Variants in CHL1 observed in about 807,000 individuals in gnomAD.
CHL1 encodes neural cell adhesion molecule L1-like protein.
A neutral mutation model predicts 141.9 loss-of-function variants in CHL1; 96 were observed. That is an observed-to-expected ratio of 0.68 (90% CI 0.57 to 0.80). The LOEUF is 0.80. Ranked by LOEUF, CHL1 falls within the 30% of genes least tolerant of loss-of-function variation. The probability of loss-of-function intolerance (pLI) is 0.00; values close to 1 mark genes in which losing one functional copy is unlikely to be tolerated. For missense variants in CHL1, 1,820 were observed against 1,457.2 expected, an observed-to-expected ratio of 1.25 and a Z score of -4.05; for synonymous variants, 613 against 502.2, an observed-to-expected ratio of 1.22 and a Z score of -2.95.
In CHL1 at chr3:280,212, A is replaced by ATT. The variant is rs201114993; in HGVS notation, c.-95+35532_-95+35533dup. 3.3e-3 allele frequency among the ~76,000 whole-genome samples: 474 copies of ATT among 145,810 alleles called. 1 individual carries two copies. The highest frequency in any genetic ancestry group is 0.011 in the African/African-American group (451 of 40,084). On this transcript the variant is annotated intron_variant, in intron 2 of 27. Transcript: ENST00000256509. ...AAAAAGTTCTTAGTAGAGTCTAGGC[A>ATT]TTTTTTTTTTTTTAGTGTACCTAAC...
chr3:253,906 A>T (rs1693922545), intron 2 of CHL1, among the ~76,000 whole-genome samples: 1 of 152,230 alleles, frequency 6.6e-6, no homozygotes, highest in East Asian at 1.9e-4. Flanking sequence ...CACAAATTTA[A>T]CATTTATTGA....
chr3:343,845 C>A (rs1414483228), intron 8 of CHL1, among the ~76,000 whole-genome samples: 1 of 152,072 alleles, frequency 6.6e-6, no homozygotes, highest in South Asian at 2.1e-4. Context: ...TCACAGCACT[C>A]AATGAAAAAT....
chr3:397,823 A>G (rs909090654), intron 24 of CHL1, among the ~76,000 whole-genome samples: 3 of 152,102 alleles, frequency 2.0e-5, no homozygotes, highest in African/African-American at 7.2e-5. Context: ...AAAGCAAAAA[A>G]AAGCAATATA....
At chr3:312,930 C>T (rs1699871068) in intron 2 of CHL1, among the ~76,000 whole-genome samples, 1 of 152,166 alleles carries the variant, frequency 6.6e-6, no homozygotes, top group Admixed American at 6.5e-5. Context: ...AGTTGTTGAT[C>T]TATTTCAAGC....
chr3:389,835 A>C (rs1479666586), intron 20 of CHL1, among the ~76,000 whole-genome samples: 1 of 152,206 alleles, frequency 6.6e-6, no homozygotes, highest in African/African-American at 2.4e-5. Context: ...GGATCCCCTA[A>C]GAGCCACTTG....
rs750178447 is a variant in CHL1 at position 391,063 on chromosome 3, G to A, written c.2695G>A (p.Asp899Asn). 36 of 1,613,868 alleles carry A rather than the reference G, an allele frequency of 2.2e-5. No individual in the cohort carries two copies. Among genetic ancestry groups the A allele is most frequent in the Non-Finnish European group, 3.0e-5 (35 of 1,179,748 alleles). ...QRNSGMVPSL[D>N]AFSEFHLTVL... ...AAACTCTGGAATGGTTCCTTCCTTA[G>A]ATGCCTTTAGTGAATTTCATTTAAC... Residue 899 changes from aspartate (D) to asparagine (N), a missense_variant, in exon 22 of 28, where the codon GAT becomes AAT. By Grantham distance (23) the Asp-to-Asn change is conservative. Coordinates refer to ENST00000256509, the MANE Select transcript of CHL1 (RefSeq NM_006614.4).
intron 14 of CHL1, 50 bp downstream of exon 14, chr3:363,433 C>T: frequency 6.6e-7 from 1 of 1,511,938 alleles, no homozygotes. Context: ...TGGGTTCAGT[C>T]TGTCTTCATT....
chr3:204,412 G>T (rs1699229048), intron 1 of CHL1, among the ~76,000 whole-genome samples: 1 of 152,210 alleles, frequency 6.6e-6, no homozygotes, highest in Non-Finnish European at 1.5e-5. Context: ...TGTTATAGTT[G>T]TATCAGAACA....
intron 3 of CHL1, among the ~76,000 whole-genome samples, chr3:322,046 T>C (rs879937596): frequency 2.0e-5 from 3 of 152,114 alleles, no homozygotes; most frequent in Non-Finnish European, 2.9e-5. Flanking sequence ...AGCTGATATC[T>C]AAGGGACTGT....
At chr3:377,407 G>A (rs1233605898) in intron 15 of CHL1, among the ~76,000 whole-genome samples, 1 of 152,134 alleles carries the variant, frequency 6.6e-6, no homozygotes, top group African/African-American at 2.4e-5. Flanking sequence ...AATGGAGATG[G>A]AATTCAGGAA....
At chr3:228,594 A>G (rs924227768) in intron 1 of CHL1, among the ~76,000 whole-genome samples, 2 of 152,192 alleles carry the variant, frequency 1.3e-5, no homozygotes, top group African/African-American at 2.4e-5. Flanking sequence ...TAGAACTAAC[A>G]TAAATTGAAT....
At chr3:258,993 G>C (rs947929488) in intron 2 of CHL1, among the ~76,000 whole-genome samples, 2 of 149,766 alleles carry the variant, frequency 1.3e-5, no homozygotes, top group African/African-American at 5.0e-5. Flanking sequence ...GAGTGCAGTG[G>C]CTTGATCACG....
intron 2 of CHL1, among the ~76,000 whole-genome samples, chr3:276,460 G>A (rs550294622): frequency 2.9e-4 from 44 of 152,270 alleles, no homozygotes; most frequent in African/African-American, 1.0e-3. Flanking sequence ...GGAATCCAGT[G>A]ACTCAACTGC....
intron 2 of CHL1, among the ~76,000 whole-genome samples, chr3:278,271 C>T (rs189398152): frequency 6.6e-6 from 1 of 152,210 alleles, no homozygotes; most frequent in Non-Finnish European, 1.5e-5. Context: ...CAGACATTCT[C>T]TTTGGGGTCG....
chr3:353,351 C>G (rs1041986473), intron 10 of CHL1, among the ~76,000 whole-genome samples: 1 of 151,586 alleles, frequency 6.6e-6, no homozygotes, highest in African/African-American at 2.4e-5. Context: ...ATTAAAATAA[C>G]CAGAAAAAAA....
chr3:339,668 C>A (rs932338091), intron 5 of CHL1, among the ~76,000 whole-genome samples: 1 of 152,170 alleles, frequency 6.6e-6, no homozygotes, highest in Non-Finnish European at 1.5e-5. Context: ...CCAGCTGGTG[C>A]ATCGATAAGA....
chr3:279,943 T>A (rs1348375100), intron 2 of CHL1, among the ~76,000 whole-genome samples: 1 of 152,214 alleles, frequency 6.6e-6, no homozygotes, highest in Non-Finnish European at 1.5e-5. Context: ...TATTTTTTCA[T>A]CCTGGGTATA....
chr3:347,540 GA>G (rs2125183762), intron 9 of CHL1, among the ~76,000 whole-genome samples: 1 of 144,030 alleles, frequency 6.9e-6, no homozygotes, highest in African/African-American at 2.4e-5. Context: ...AATGGTATTA[GA>G]AAATTAGACT....
At chr3:379,541 C>T (rs1244483292) in intron 16 of CHL1, among the ~76,000 whole-genome samples, 1 of 152,174 alleles carries the variant, frequency 6.6e-6, no homozygotes, top group African/African-American at 2.4e-5. Context: ...GCTCCGTGCG[C>T]TTTGTCCCTA....
Sources: allele counts gnomAD v4.1 joint callset (sites outside exome capture counted in the v4.1 genomes callset), GRCh38; gene constraint gnomAD v4.1.1; transcripts MANE v1.5; gene names NCBI Gene and HGNC (gene_info 2026-07-23, HGNC 2026-07-21).